LRMDA: variants seen among roughly 807,000 people sequenced by gnomAD.
The protein encoded by LRMDA is leucine-rich melanocyte differentiation-associated protein.
Under a neutral mutation model 29.8 loss-of-function variants are expected in LRMDA, and 18 were observed. That is an observed-to-expected ratio of 0.60 (90% CI 0.42 to 0.90). LRMDA has a LOEUF of 0.90. LRMDA is among the 40% of genes least tolerant of loss of function. The pLI, the probability that LRMDA is intolerant of heterozygous loss-of-function variation, is 0.00. For missense variants in LRMDA, 273 were observed against 273.9 expected, an observed-to-expected ratio of 1.00 and a Z score of 0.02; for synonymous variants, 125 against 109.4, an observed-to-expected ratio of 1.14 and a Z score of -0.89.
At chr10:76,173,915 C>T (rs1850885209) in intron 5 of LRMDA, among the ~76,000 whole-genome samples, 1 of 152,206 alleles carries the variant, frequency 6.6e-6, no homozygotes, top group Non-Finnish European at 1.5e-5. Context: ...CTGACTTAGC[C>T]TCCCAAAGTG....
chr10:76,005,957 A>G (rs544927411), intron 2 of LRMDA, among the ~76,000 whole-genome samples: 322 of 145,566 alleles, frequency 2.2e-3, no homozygotes, highest in Non-Finnish European at 4.2e-3. Flanking sequence ...ATAAATAAAT[A>G]AATGAACCAG....
chr10:76,444,288 C>T (rs1842332087), intron 6 of LRMDA, among the ~76,000 whole-genome samples: 1 of 152,166 alleles, frequency 6.6e-6, no homozygotes. Context: ...CCCACCCAGG[C>T]TCAGCCCAGC....
chr10:75,694,777 A>G (rs1320145560), intron 2 of LRMDA, among the ~76,000 whole-genome samples: 2 of 152,166 alleles, frequency 1.3e-5, no homozygotes, highest in Non-Finnish European at 2.9e-5. Flanking sequence ...AGTATTTAAG[A>G]TAATATTGCA....
At chr10:75,995,218 G>A (rs570977662) in intron 2 of LRMDA, among the ~76,000 whole-genome samples, 14 of 152,272 alleles carry the variant, frequency 9.2e-5, no homozygotes, top group Middle Eastern at 3.4e-3. Flanking sequence ...ACTAGTAGGC[G>A]TATGGAGTAG....
intron 6 of LRMDA, among the ~76,000 whole-genome samples, chr10:76,536,226 A>T (rs1843289601): frequency 6.6e-6 from 1 of 152,230 alleles, no homozygotes; most frequent in Non-Finnish European, 1.5e-5. Context: ...ATTAATGTTA[A>T]GTCACCATTG....
intron 5 of LRMDA, among the ~76,000 whole-genome samples, chr10:76,291,445 C>T (rs1840339160): frequency 6.6e-6 from 1 of 152,136 alleles, no homozygotes; most frequent in African/African-American, 2.4e-5. Context: ...GTTTTAATGG[C>T]TGAATCACTA....
intron 2 of LRMDA, among the ~76,000 whole-genome samples, chr10:75,695,336 C>T (rs1200556451): frequency 6.6e-6 from 1 of 151,964 alleles, no homozygotes; most frequent in Non-Finnish European, 1.5e-5. Context: ...AATACAATTG[C>T]TTTAATTTTA....
At chr10:75,709,745 C>A (rs1842414287) in intron 2 of LRMDA, among the ~76,000 whole-genome samples, 2 of 152,108 alleles carry the variant, frequency 1.3e-5, no homozygotes, top group Admixed American at 6.5e-5. Context: ...CCACTCGGCC[C>A]TTTAAGAGGA....
chr10:75,729,949 C>T (rs897416269), intron 2 of LRMDA, among the ~76,000 whole-genome samples: 3 of 152,226 alleles, frequency 2.0e-5, no homozygotes, highest in African/African-American at 7.2e-5. Context: ...ATGTCCACAC[C>T]ACCAAGGCTA....
chr10:76,304,726 G>A (rs1179452617), intron 5 of LRMDA, among the ~76,000 whole-genome samples: 1 of 152,238 alleles, frequency 6.6e-6, no homozygotes, highest in East Asian at 1.9e-4. Flanking sequence ...CCACCCAGGT[G>A]GAGTAGGGCG....
intron 5 of LRMDA, among the ~76,000 whole-genome samples, chr10:76,198,260 T>TA (rs1301633296): frequency 6.6e-6 from 1 of 152,238 alleles, no homozygotes; most frequent in Admixed American, 6.5e-5. Context: ...GAGATTTTGT[T>TA]AAAATCACAT....
intron 2 of LRMDA, among the ~76,000 whole-genome samples, chr10:75,634,116 C>T (rs182066329): frequency 4.6e-5 from 7 of 152,122 alleles, no homozygotes; most frequent in South Asian, 2.1e-4. Flanking sequence ...TAAAATATCC[C>T]GGTAAACTAG....
intron 2 of LRMDA, among the ~76,000 whole-genome samples, chr10:75,997,105 C>A (rs957949582): frequency 1.3e-5 from 2 of 152,120 alleles, no homozygotes; most frequent in Non-Finnish European, 2.9e-5. Context: ...TTGGAAAATA[C>A]TGAGAATCAT....
At chr10:76,299,333 G>A (rs1840451294) in intron 5 of LRMDA, among the ~76,000 whole-genome samples, 1 of 152,130 alleles carries the variant, frequency 6.6e-6, no homozygotes, top group Non-Finnish European at 1.5e-5. Context: ...CTGGAGAGTA[G>A]GTTTAATAAA....
intron 6 of LRMDA, among the ~76,000 whole-genome samples, chr10:76,501,770 A>T (rs919088772): frequency 6.6e-6 from 1 of 151,376 alleles, no homozygotes. Context: ...TCTTTGTTGG[A>T]TGCATAGTTT....
chr10:75,601,109 A>C (rs1280141786), intron 2 of LRMDA: 1 of 152,210 alleles, frequency 6.6e-6, no homozygotes, highest in Non-Finnish European at 1.5e-5. Flanking sequence ...TTTACAAAAC[A>C]TGACCTTTTC....
chr10:76,202,324 G>C (rs1851448767), intron 5 of LRMDA, among the ~76,000 whole-genome samples: 1 of 152,098 alleles, frequency 6.6e-6, no homozygotes, highest in South Asian at 2.1e-4. Context: ...CTAATGCCCT[G>C]AAAACCCAGG....
chr10:76,416,206 A>G (rs2132514518), intron 6 of LRMDA, among the ~76,000 whole-genome samples: 1 of 152,312 alleles, frequency 6.6e-6, no homozygotes, highest in South Asian at 2.1e-4. Context: ...GAAGTTTCGG[A>G]AAGGAAAGAT....
intron 6 of LRMDA, among the ~76,000 whole-genome samples, chr10:76,356,238 T>A (rs1237164465): frequency 6.6e-6 from 1 of 152,158 alleles, no homozygotes; most frequent in Admixed American, 6.6e-5. Flanking sequence ...ATTCCAAATA[T>A]CCAGATAATT....
Sources: allele counts gnomAD v4.1 joint callset (sites outside exome capture counted in the v4.1 genomes callset), GRCh38; gene constraint gnomAD v4.1.1; transcripts MANE v1.5; gene names NCBI Gene and HGNC (gene_info 2026-07-23, HGNC 2026-07-21).